The following MPV17L variants were observed in gnomAD, a reference collection of about 807,000 sequenced individuals.
MPV17L encodes the protein mpv17-like protein.
MPV17L carries 24 observed loss-of-function variants against 25.8 expected under a neutral mutation model. The observed-to-expected ratio is 0.93, with a 90% CI of 0.67 to 1.31. MPV17L has a LOEUF of 1.31. Among genes scored for constraint, MPV17L ranks in the 50% most tolerant of loss-of-function variants. MPV17L has a pLI of 0.00. For synonymous variants in MPV17L, 102 were observed against 115.3 expected (o/e 0.88, Z 0.74); for missense variants, 250 against 265.6 (o/e 0.94, Z 0.41).
intron 1 of MPV17L, chr16:15,399,340 C>G (rs571689219): frequency 6.7e-6 from 3 of 446,272 alleles, no homozygotes; most frequent in Non-Finnish European, 1.3e-5. Context: ...TTTTAAAGTA[C>G]TCTCAGTTTT....
Position 15,408,600 on chromosome 16 carries a change from C to T in MPV17L, c.*488C>T, listed in dbSNP as rs1034253277. On this transcript the variant is annotated 3_prime_UTR_variant, in exon 4 of 4. Coordinates refer to ENST00000396385, the MANE Select transcript of MPV17L (RefSeq NM_001128423.2). ...ACACAATTTGTTATTTTAGTAAATA[C>T]CTTTTTTTTTTTTTTTTTTTTTGTG... 12 of 124,902 alleles carry T rather than the reference C, an allele frequency of 9.6e-5. No individual in the cohort carries two copies. In the Admixed American group the frequency reaches 1.2e-3, roughly 13 times the overall value. 7.7% of individuals were successfully genotyped at this position (124,902 alleles called of 1,614,324 possible).
At chr16:15,398,345 G>A (rs990989930) in intron 1 of MPV17L, among the ~76,000 whole-genome samples, 4 of 151,896 alleles carry the variant, frequency 2.6e-5, no homozygotes, top group African/African-American at 9.7e-5. Context: ...ACTTGAGATT[G>A]TTCTTAATAC....
intron 1 of MPV17L, among the ~76,000 whole-genome samples, chr16:15,397,427 C>T (rs2050596637): frequency 6.6e-6 from 1 of 152,142 alleles, no homozygotes; most frequent in Non-Finnish European, 1.5e-5. Flanking sequence ...AGGTTGAGGT[C>T]AGGAGGCTGT....
chr16:15,407,824 A>G lies in MPV17L; in HGVS notation c.382A>G (p.Ser128Gly), dbSNP rs773493839. ...LKQKFWNTYL[S>G]GLMYWPFVQL... ...TGCTTTTTTTTTTTCCCAATTCCAG[A>G]GTGGACTGATGTACTGGCCCTTTGT... The change falls in exon 3 of 4, where the codon AGT becomes GGT. Residue 128 changes from serine to glycine, a missense_variant and splice_region_variant. Coordinates refer to ENST00000396385, the MANE Select transcript of MPV17L (RefSeq NM_001128423.2). The G allele has an allele frequency of 2.1e-5, 33 of 1,608,496 alleles. No individual in the cohort carries two copies. In the Admixed American group the frequency reaches 5.3e-4, roughly 26 times the overall value.
intron 3 of MPV17L, 28 bp downstream of exon 3, chr16:15,407,881 A>G (rs1282502327): frequency 6.2e-7 from 1 of 1,613,474 alleles, no homozygotes; most frequent in Non-Finnish European, 8.5e-7. Flanking sequence ...AGTAATATGA[A>G]CTCAGGGCTT....
chr16:15,409,072 CA>C lies in MPV17L; in HGVS notation c.*962del, dbSNP rs1366216588. The C allele has an allele frequency of 7.5e-6, 1 of 133,840 alleles. No individual in the cohort carries two copies. Among genetic ancestry groups the C allele is most frequent in the Non-Finnish European group, 1.6e-5 (1 of 63,538 alleles). The allele number at this position is 133,840 out of a possible 1,614,324, so 8.3% of individuals were successfully genotyped here. On this transcript the variant is annotated 3_prime_UTR_variant, in exon 4 of 4. Coordinates refer to ENST00000396385, the MANE Select transcript of MPV17L (RefSeq NM_001128423.2). ...CTGGGATTACAGGCGTGAGCCACCA[CA>C]ACCGACTTTTTTTTTTTTTTTTTTT...
At position 15,400,874 on chromosome 16, in the gene MPV17L, A is replaced by T. The variant is rs763029004; in HGVS notation, c.381+17A>T. 3.2e-6 allele frequency: 5 copies of T among 1,549,418 alleles called. No homozygotes were observed. The highest frequency in any genetic ancestry group is 3.5e-6 in the Non-Finnish European group (4 of 1,137,562). ...ACCTATCTGGTAAGATAGGCGTTTG[A>T]AAATGTAATCACTATATTTTTGTGT... On this transcript the variant is annotated intron_variant, in intron 2 of 3. Transcript: ENST00000396385.
At chr16:15,400,180 T>C (rs890674261) in intron 1 of MPV17L, among the ~76,000 whole-genome samples, 7 of 152,134 alleles carry the variant, frequency 4.6e-5, no homozygotes, top group African/African-American at 1.7e-4. Context: ...GTTTGGAAGG[T>C]AGAGAAAGTA....
Position 15,410,395 on chromosome 16 carries a change from C to T in MPV17L, c.*2283C>T, listed in dbSNP as rs530646243. The T allele has an allele frequency of 2.0e-5, 3 of 151,966 alleles. No homozygotes were observed. Among genetic ancestry groups the T allele is most frequent in the African/African-American group, 7.2e-5 (3 of 41,388 alleles). 9.4% of individuals were successfully genotyped at this position (151,966 alleles called of 1,614,324 possible). On this transcript the variant is annotated 3_prime_UTR_variant, in exon 4 of 4. Transcript: ENST00000396385. ...TAAAACCCCATCTCTACTAAAAATA[C>T]AAAAAATTAGCCAGGCGTGGTGGTG...
In MPV17L at chr16:15,412,442, A is replaced by AAAG. The variant is rs1431235829; in HGVS notation, c.*4332_*4333insGAA. The AAAG allele has an allele frequency of 6.6e-6, 1 of 151,906 alleles. No individual in the cohort carries two copies. Among genetic ancestry groups the AAAG allele is most frequent in the African/African-American group, 2.4e-5 (1 of 41,372 alleles). The allele number at this position is 151,906 out of a possible 1,614,324, so 9.4% of individuals were successfully genotyped here. A position where few individuals can be genotyped will look rare whatever the true frequency, so the allele number is the denominator to read the frequency against. ...AAGACTGTGTCTATAAAAAAAAAAA[A>AAAG]AAAGAAAGAAAAGTAAATTAACTTT... On this transcript the variant is annotated 3_prime_UTR_variant, in exon 4 of 4. Transcript: ENST00000396385.
Position 15,407,923 on chromosome 16 carries a change from T to G in MPV17L, c.412-10T>G. The G allele has an allele frequency of 6.2e-7, 1 of 1,613,744 alleles. No homozygotes were observed. On this transcript the variant is annotated splice_polypyrimidine_tract_variant and intron_variant, in intron 3 of 3. Transcript: ENST00000396385. ...CCATGTGGCCCTAACGGACTCTCTC[T>G]CTGTTCCAGCTGACCAACTTCAGCC...
chr16:15,401,601 C>T (rs540999622), intron 2 of MPV17L, among the ~76,000 whole-genome samples: 1 of 152,256 alleles, frequency 6.6e-6, no homozygotes, highest in East Asian at 1.9e-4. Flanking sequence ...AGGCGGATCA[C>T]TTGACGTTAG....
In MPV17L at chr16:15,411,440, G is replaced by A. The variant is rs138759299; in HGVS notation, c.*3328G>A. ...GCAGGTGGATCATCTGAGCCCAGGAGTTTGAGACCAGCCTAGGCAACATGG... is the reference window on the plus strand; with the variant it reads ...GCAGGTGGATCATCTGAGCCCAGGAATTTGAGACCAGCCTAGGCAACATGG... On this transcript the variant is annotated 3_prime_UTR_variant, in exon 4 of 4. Transcript: ENST00000396385. 2 of 152,210 alleles carry A rather than the reference G, an allele frequency of 1.3e-5. No individual in the cohort carries two copies. Among genetic ancestry groups the A allele is most frequent in the African/African-American group, 2.4e-5 (1 of 41,530 alleles). The allele number at this position is 152,210 out of a possible 1,614,324, so 9.4% of individuals were successfully genotyped here.
At chr16:15,403,771 A>T (rs1383038271) in intron 2 of MPV17L, among the ~76,000 whole-genome samples, 1 of 147,146 alleles carries the variant, frequency 6.8e-6, no homozygotes, top group African/African-American at 2.5e-5. Flanking sequence ...CATACTGTTT[A>T]AAAAAAAAAA....
rs758471289 is a variant in MPV17L at position 15,408,103 on chromosome 16, G to A, written c.582G>A (p.Pro194=). The A allele has an allele frequency of 3.3e-5, 53 of 1,591,562 alleles. No individual in the cohort carries two copies. The highest frequency in any genetic ancestry group is 2.5e-4 in the South Asian group (22 of 88,582). Residue 194 remains proline, a synonymous_variant, in exon 4 of 4, where the codon CCG becomes CCA. Transcript: ENST00000396385. ...TKGTSATEGY[P]KK ...GGACCAGTGCCACAGAAGGGTACCC[G>A]AAGAAATGAGAAGTCAAGGACTCTC...
At position 15,395,930 on chromosome 16, in the gene MPV17L, G is replaced by T; in HGVS notation, c.33G>T (p.Ala11=). 1 of 1,440,612 alleles carries T rather than the reference G, an allele frequency of 6.9e-7. No individual in the cohort carries two copies. Among genetic ancestry groups the T allele is most frequent in the Non-Finnish European group, 9.0e-7 (1 of 1,108,038 alleles). The allele number at this position is 1,440,612 out of a possible 1,614,324, so 89.2% of individuals were successfully genotyped here. MAGWWPALSR[A]ARRHPWPTNV... ...GCTGGTGGCCGGCGTTGTCGCGCGC[G>T]GCCCGGCGCCACCCGTGGCCCACCA... The change falls in exon 1 of 4, where the codon GCG becomes GCT. Residue 11 remains alanine, a synonymous_variant. Transcript: ENST00000396385.
At chr16:15,399,807 G>A (rs2050618060) in intron 1 of MPV17L, among the ~76,000 whole-genome samples, 1 of 151,746 alleles carries the variant, frequency 6.6e-6, no homozygotes, top group South Asian at 2.1e-4. Context: ...ACCCAGTCAG[G>A]AGCACAGTGG....
chr16:15,400,720 TTAAACA>T (rs1272340532), intron 1 of MPV17L, 61 bp from the exon 2 acceptor site: 1 of 1,115,882 alleles, frequency 9.0e-7, no homozygotes, highest in Non-Finnish European at 1.2e-6. Context: ...AATGGGAAAC[TTAAACA>T]TGAACTGTTA....
chr16:15,407,417 G>A (rs1222372176), intron 2 of MPV17L, among the ~76,000 whole-genome samples: 2 of 151,970 alleles, frequency 1.3e-5, no homozygotes, highest in Non-Finnish European at 2.9e-5. Context: ...ACTCTTTTAT[G>A]GAATGAACTG....
Sources: allele counts gnomAD v4.1 joint callset (sites outside exome capture counted in the v4.1 genomes callset), GRCh38; gene constraint gnomAD v4.1.1; transcripts MANE v1.5; gene names NCBI Gene and HGNC (gene_info 2026-07-23, HGNC 2026-07-21).